The following ATXN7L1 variants were observed in gnomAD, a reference collection of about 807,000 sequenced individuals.
ATXN7L1 encodes ataxin 7 like 1.
Under a neutral mutation model 70.8 loss-of-function variants are expected in ATXN7L1, and 15 were observed. That is an observed-to-expected ratio of 0.21 (90% CI 0.14 to 0.33). The LOEUF is 0.33. Among genes scored for constraint, ATXN7L1 ranks in the 10% least tolerant of loss-of-function variants. The pLI is 1.00. For missense variants in ATXN7L1, 975 were observed against 1,097.1 expected (o/e 0.89, Z 1.57); for synonymous variants, 440 against 445.1 (o/e 0.99, Z 0.14).
chr7:105,611,148 C>T (rs1793115731), intron 10 of ATXN7L1, among the ~76,000 whole-genome samples: 1 of 152,230 alleles, frequency 6.6e-6, no homozygotes, highest in African/African-American at 2.4e-5. Context: ...TGGGCTTCTC[C>T]TTCATGTGGA....
chr7:105,730,438 A>AGAGGAGGCTAAGGGCCAGGC (rs1234957102), intron 3 of ATXN7L1, among the ~76,000 whole-genome samples: 33 of 152,288 alleles, frequency 2.2e-4, no homozygotes, highest in African/African-American at 7.9e-4. Flanking sequence ...GGCACAGCTA[A>AGAGGAGGCTAAGGGCCAGGC]GAGGAGGCTA....
chr7:105,620,665 T>A (rs760195942), intron 8 of ATXN7L1, among the ~76,000 whole-genome samples: 25 of 152,080 alleles, frequency 1.6e-4, no homozygotes, highest in Admixed American at 3.3e-4. Context: ...GAGGCTGAGG[T>A]GGGCGGATCA....
intron 3 of ATXN7L1, among the ~76,000 whole-genome samples, chr7:105,673,258 T>C (rs1315611093): frequency 6.6e-6 from 1 of 152,276 alleles, no homozygotes; most frequent in African/African-American, 2.4e-5. Context: ...ATCAGTGTCC[T>C]GTATTTAAAA....
intron 3 of ATXN7L1, among the ~76,000 whole-genome samples, chr7:105,721,606 G>A (rs761867360): frequency 2.6e-5 from 4 of 152,240 alleles, no homozygotes; most frequent in South Asian, 2.1e-4. Flanking sequence ...GGGACAGTAC[G>A]AGGCTTGCAC....
intron 2 of ATXN7L1, among the ~76,000 whole-genome samples, chr7:105,798,358 G>A (rs1329772802): frequency 6.6e-6 from 1 of 152,184 alleles, no homozygotes; most frequent in Non-Finnish European, 1.5e-5. Flanking sequence ...ACTTTGGGCT[G>A]CCATTGACAT....
Position 105,624,210 on chromosome 7 carries a change from A to AGCT in ATXN7L1, c.1259_1260insAGC (p.Thr420_Pro421insAla). ...CAACCGGTGGGAGTGGGGGCTCTGG[A>AGCT]GTGTGGCCGCTATGATTTGAAGATG... On this transcript the variant is annotated inframe_insertion, in exon 8 of 12. Coordinates refer to ENST00000419735, the MANE Select transcript of ATXN7L1 (RefSeq NM_020725.2). 1 of 1,518,020 alleles carries AGCT rather than the reference A, an allele frequency of 6.6e-7. No homozygotes were observed. 94.0% of individuals were successfully genotyped at this position (1,518,020 alleles called of 1,614,324 possible). A position where few individuals can be genotyped will look rare whatever the true frequency, so the allele number is the denominator to read the frequency against.
intron 3 of ATXN7L1, among the ~76,000 whole-genome samples, chr7:105,709,954 C>A (rs907610602): frequency 1.3e-5 from 2 of 151,814 alleles, no homozygotes; most frequent in East Asian, 3.9e-4. Context: ...TTCACTGCAG[C>A]CTTCATCTCC....
chr7:105,674,038 T>A (rs1804211532), intron 3 of ATXN7L1, among the ~76,000 whole-genome samples: 1 of 152,138 alleles, frequency 6.6e-6, no homozygotes, highest in East Asian at 1.9e-4. Context: ...TTTTCTGGAG[T>A]GCCCATTCCC....
chr7:105,815,200 G>A (rs765252482), intron 2 of ATXN7L1, among the ~76,000 whole-genome samples: 14 of 152,202 alleles, frequency 9.2e-5, no homozygotes, highest in Non-Finnish European at 1.8e-4. Context: ...ATTATGGAGC[G>A]AAGAGGGGGA....
In ATXN7L1 at chr7:105,876,542, G is replaced by GT. The variant is rs779380091; in HGVS notation, c.16_17insA (p.Ser6TyrfsTer76). 2.1e-6 allele frequency: 3 copies of GT among 1,407,858 alleles called. No individual in the cohort carries two copies. Among genetic ancestry groups the GT allele is most frequent in the Non-Finnish European group, 2.9e-6 (3 of 1,049,322 alleles). The allele number at this position is 1,407,858 out of a possible 1,614,324, so 87.2% of individuals were successfully genotyped here. A position where few individuals can be genotyped will look rare whatever the true frequency, so the allele number is the denominator to read the frequency against. ...AGCAGCCGAGAGACACGGGATTCGAGAACGCTCCGACGTCATCTTCGGAAC... is the reference window on the plus strand; with the variant it reads ...AGCAGCCGAGAGACACGGGATTCGAGTAACGCTCCGACGTCATCTTCGGAAC... On this transcript the variant is annotated frameshift_variant, in exon 1 of 12. Coordinates refer to ENST00000419735, the MANE Select transcript of ATXN7L1 (RefSeq NM_020725.2). LOFTEE classifies it high-confidence loss of function.
intron 3 of ATXN7L1, among the ~76,000 whole-genome samples, chr7:105,764,487 A>G (rs773810607): frequency 1.3e-5 from 2 of 152,184 alleles, no homozygotes; most frequent in Non-Finnish European, 2.9e-5. Context: ...GTTGATTTTA[A>G]CAAGCCCTCC....
intron 3 of ATXN7L1, among the ~76,000 whole-genome samples, chr7:105,778,523 A>C (rs1181752343): frequency 1.9e-4 from 27 of 139,036 alleles, no homozygotes; most frequent in Admixed American, 7.9e-5. Context: ...AAAAAAAAAA[A>C]AAAAAAAAAA....
intron 3 of ATXN7L1, among the ~76,000 whole-genome samples, chr7:105,717,057 G>A (rs534295848): frequency 6.6e-6 from 1 of 152,154 alleles, no homozygotes; most frequent in Non-Finnish European, 1.5e-5. Flanking sequence ...TTTAAAAAGT[G>A]ATCATACTAA....
intron 4 of ATXN7L1, among the ~76,000 whole-genome samples, chr7:105,650,411 T>C (rs1799663601): frequency 6.6e-6 from 1 of 152,208 alleles, no homozygotes. Flanking sequence ...CAGATAAATC[T>C]AACATTATTC....
chr7:105,733,210 T>C (rs1796770928), intron 3 of ATXN7L1, among the ~76,000 whole-genome samples: 1 of 152,162 alleles, frequency 6.6e-6, no homozygotes, highest in African/African-American at 2.4e-5. Context: ...CTCAAAAATA[T>C]CTACTGAAGA....
intron 7 of ATXN7L1, among the ~76,000 whole-genome samples, chr7:105,632,229 C>T (rs79698955): frequency 0.044 from 6,681 of 151,972 alleles, 319 homozygotes; most frequent in African/African-American, 0.11. Flanking sequence ...AAAACTAAGA[C>T]GATGATGGAA....
chr7:105,707,835 C>G (rs768004614), intron 3 of ATXN7L1, among the ~76,000 whole-genome samples: 1 of 152,222 alleles, frequency 6.6e-6, no homozygotes, highest in African/African-American at 2.4e-5. Flanking sequence ...GCCCATCACT[C>G]TGATTTAATG....
At chr7:105,700,802 C>T (rs75326967) in intron 3 of ATXN7L1, among the ~76,000 whole-genome samples, 18,966 of 152,062 alleles carry the variant, frequency 0.12, 1,547 homozygotes, top group South Asian at 0.24. Context: ...CCACCCCAGC[C>T]TCCCCAGTAG....
intron 4 of ATXN7L1, among the ~76,000 whole-genome samples, chr7:105,650,337 A>G (rs544006760): frequency 6.6e-6 from 1 of 152,372 alleles, no homozygotes; most frequent in South Asian, 2.1e-4. Context: ...GCCTGTCTGT[A>G]AACACCTTTA....
Sources: gnomAD v4.1 joint callset for allele counts (sites outside exome capture counted in the v4.1 genomes callset) on GRCh38, gnomAD v4.1.1 for gene constraint, MANE v1.5 for transcripts, NCBI Gene and HGNC (gene_info 2026-07-23, HGNC 2026-07-21) for gene names.